Variants in BRIP1 observed in about 807,000 individuals in gnomAD.
BRIP1 encodes the protein Fanconi anemia group J protein.
In BRIP1, 88 loss-of-function variants were observed where a neutral mutation model predicts 119.7. The observed-to-expected ratio is 0.74, with a 90% CI of 0.62 to 0.88. BRIP1 has a LOEUF of 0.88. Ranked by LOEUF, BRIP1 falls within the 40% of genes least tolerant of loss-of-function variation. BRIP1 has a pLI of 0.00. For missense variants in BRIP1, 1,259 were observed against 1,455.4 expected, an observed-to-expected ratio of 0.87 and a Z score of 2.20; for synonymous variants, 443 against 496.5, an observed-to-expected ratio of 0.89 and a Z score of 1.43.
In BRIP1 at chr17:61,827,166, A is replaced by G. The variant is rs1489205949; in HGVS notation, c.628-18409T>C. 2.0e-5 allele frequency among the ~76,000 whole-genome samples: 3 copies of G among 152,226 alleles called. No homozygotes were observed. Among genetic ancestry groups the G allele is most frequent in the Non-Finnish European group, 4.4e-5 (3 of 68,038 alleles). ...ACCATTATCCTTAGCAAACTAATGC[A>G]GGAACAGAAAACCAAATACTGCATG... On this transcript the variant is annotated intron_variant, in intron 6 of 19. Coordinates refer to ENST00000259008, the MANE Select transcript of BRIP1 (RefSeq NM_032043.3). This position sits in a 1 kb window ranked among gnomAD's most constrained non-coding sequence, Gnocchi z 5.8.
At chr17:61,836,521 G>A (rs923674489) in intron 6 of BRIP1, among the ~76,000 whole-genome samples, 2 of 152,062 alleles carry the variant, frequency 1.3e-5, no homozygotes, top group African/African-American at 4.8e-5. Flanking sequence ...AAGAAACAGT[G>A]GTGAATCATA....
Position 61,805,513 on chromosome 17 carries a change from G to A in BRIP1, c.918+2954C>T, listed in dbSNP as rs1186806842. ...TAGTGTAACCAAAATAGCAATGGATGAGGAATCAGAAAATTTGGGTTCTGG... is the reference window on the plus strand; with the variant it reads ...TAGTGTAACCAAAATAGCAATGGATAAGGAATCAGAAAATTTGGGTTCTGG... On this transcript the variant is annotated intron_variant, in intron 7 of 19. Coordinates refer to ENST00000259008, the MANE Select transcript of BRIP1 (RefSeq NM_032043.3). This position sits in a 1 kb window ranked among gnomAD's most constrained non-coding sequence, Gnocchi z 5.6. Among the ~76,000 whole-genome samples the A allele has an allele frequency of 6.6e-6, 1 of 152,116 alleles. No homozygotes were observed. Among genetic ancestry groups the A allele is most frequent in the Non-Finnish European group, 1.5e-5 (1 of 68,026 alleles).
rs965804604 is a variant in BRIP1, at chr17:61,843,353, T to C, written c.627+3748A>G. Among the ~76,000 whole-genome samples, 9 of 152,152 alleles carry C rather than the reference T, an allele frequency of 5.9e-5. No individual in the cohort carries two copies. The highest frequency in any genetic ancestry group is 1.0e-4 in the Non-Finnish European group (7 of 68,028). On this transcript the variant is annotated intron_variant, in intron 6 of 19. Coordinates refer to ENST00000259008, the MANE Select transcript of BRIP1 (RefSeq NM_032043.3). The surrounding 1 kb of genome is among the most constrained non-coding windows in gnomAD (Gnocchi z 5.7). ...AGGCTGGATATTTCGATATTGGCTTTAAAATTTTCAGGTGTTCTCAACACA... is the reference window on the plus strand; with the variant it reads ...AGGCTGGATATTTCGATATTGGCTTCAAAATTTTCAGGTGTTCTCAACACA...
At chr17:61,791,441 A>ATCACGCC (rs2077814531) in intron 10 of BRIP1, among the ~76,000 whole-genome samples, 1 of 130,718 alleles carries the variant, frequency 7.7e-6, no homozygotes, top group African/African-American at 3.1e-5. Context: ...GTGAGCCGAG[A>ATCACGCC]TCACGCCACT....
Position 61,757,017 on chromosome 17 carries a change from G to C in BRIP1, c.2098-12426C>G, listed in dbSNP as rs573448777. On this transcript the variant is annotated intron_variant, in intron 14 of 19. Transcript: ENST00000259008. The surrounding 1 kb of genome is among the most constrained non-coding windows in gnomAD (Gnocchi z 4.3). ...AACCTGGTATATTTTTCCATCTAAA[G>C]ATGATTCTTCATTATTCATTTCATG... is the stretch of plus-strand genomic sequence containing the variant. Among the ~76,000 whole-genome samples, 1 of 152,064 alleles carries C rather than the reference G, an allele frequency of 6.6e-6. No homozygotes were observed. Among genetic ancestry groups the C allele is most frequent in the South Asian group, 2.1e-4 (1 of 4,824 alleles).
In BRIP1 at chr17:61,695,186, G is replaced by C. The variant is rs1026933152; in HGVS notation, c.2493-1674C>G. Among the ~76,000 whole-genome samples the C allele has an allele frequency of 5.9e-5, 9 of 152,016 alleles. No individual in the cohort carries two copies. The highest frequency in any genetic ancestry group is 1.3e-4 in the Non-Finnish European group (9 of 67,926). On this transcript the variant is annotated intron_variant, in intron 17 of 19. Coordinates refer to ENST00000259008, the MANE Select transcript of BRIP1 (RefSeq NM_032043.3). The surrounding 1 kb of genome is among the most constrained non-coding windows in gnomAD (Gnocchi z 4.3). ...AACTTTTGTATATGGTGTGAGGTAG[G>C]AGTCTAATTTCATTATTTGCACAGA...
intron 10 of BRIP1, among the ~76,000 whole-genome samples, chr17:61,786,930 TATATAATATATTTATATATA>T (rs1228101088): frequency 1.7e-5 from 2 of 115,530 alleles, no homozygotes; most frequent in African/African-American, 7.0e-5. Context: ...TATATATTTA[TATATAATATATTTATATATA>T]ATATATTTAT....
At position 61,683,018 on chromosome 17, in the gene BRIP1, G is replaced by C. The variant is rs1376192769; in HGVS notation, c.*278C>G. ...ATGGTGGTGCACACCTGTAGTCCCAGCTACTCAGAAGGCTGAGGCAGGAGA... is the reference window on the plus strand; with the variant it reads ...ATGGTGGTGCACACCTGTAGTCCCACCTACTCAGAAGGCTGAGGCAGGAGA... On this transcript the variant is annotated 3_prime_UTR_variant, in exon 20 of 20. Transcript: ENST00000259008. The surrounding 1 kb of genome is among the most constrained non-coding windows in gnomAD (Gnocchi z 4.7). The C allele has an allele frequency of 5.0e-6, 2 of 398,074 alleles. No homozygotes were observed. Among genetic ancestry groups the C allele is most frequent in the Non-Finnish European group, 9.1e-6 (2 of 218,866 alleles). The allele number at this position is 398,074 out of a possible 1,614,324, so 24.7% of individuals were successfully genotyped here.
In BRIP1 at chr17:61,725,821, C is replaced by T. The variant is rs934545386; in HGVS notation, c.2380-9758G>A. 6.6e-6 allele frequency among the ~76,000 whole-genome samples: 1 copy of T among 152,156 alleles called. No homozygotes were observed. The highest frequency in any genetic ancestry group is 2.1e-4 in the South Asian group (1 of 4,820). ...AAAAAAATTATTTTAGAGACGCAGT[C>T]TCACTACATTGCCCAGGCTGGTCTT... On this transcript the variant is annotated intron_variant, in intron 16 of 19. Coordinates refer to ENST00000259008, the MANE Select transcript of BRIP1 (RefSeq NM_032043.3). This position sits in a 1 kb window ranked among gnomAD's most constrained non-coding sequence, Gnocchi z 5.3.
rs2078902763 is a variant in BRIP1 at position 61,856,909 on chromosome 17, T to A, written c.379+149A>T. On this transcript the variant is annotated intron_variant, in intron 4 of 19. Transcript: ENST00000259008. The surrounding 1 kb of genome is among the most constrained non-coding windows in gnomAD (Gnocchi z 5.1). The stretch of plus-strand genomic sequence containing the variant: ...AAAACGTCTATGGATTTTTGACCAC[T>A]CTGTGCTATTTTAAAATCATTCCAG... 1.3e-6 allele frequency: 1 copy of A among 784,378 alleles called. No individual in the cohort carries two copies. Among genetic ancestry groups the A allele is most frequent in the African/African-American group, 1.7e-5 (1 of 57,504 alleles). The allele number at this position is 784,378 out of a possible 1,614,324, so 48.6% of individuals were successfully genotyped here.
intron 16 of BRIP1, among the ~76,000 whole-genome samples, chr17:61,716,832 A>AAATAATATGCTTCCATTT (rs1555581245): frequency 6.6e-6 from 1 of 151,220 alleles, no homozygotes; most frequent in Non-Finnish European, 1.5e-5. Context: ...CCACTACTGG[A>AAATAATATGCTTCCATTT]TTATTAGCTA....
At chr17:61,765,411 ATATATATATATATTTTTTT>A (rs2077351413) in intron 14 of BRIP1, among the ~76,000 whole-genome samples, 1 of 14,236 alleles carries the variant, frequency 7.0e-5, no homozygotes, top group Non-Finnish European at 1.3e-4. Context: ...ATATATATAT[ATATATATATATATTTTTTT>A]TTTTTTTTTT....
chr17:61,766,766 G>T, intron 14 of BRIP1, among the ~76,000 whole-genome samples: 1 of 152,010 alleles, frequency 6.6e-6, no homozygotes, highest in East Asian at 1.9e-4. Context: ...TCATAAAGAT[G>T]TATTTTTTTT....
intron 6 of BRIP1, among the ~76,000 whole-genome samples, chr17:61,812,268 T>C (rs886982823): frequency 3.3e-5 from 5 of 152,186 alleles, no homozygotes; most frequent in African/African-American, 1.2e-4. Context: ...ATTGAGTATT[T>C]TTCCTGCTAA....
rs905133612 is a variant in BRIP1, at chr17:61,689,849, A to G, written c.2575+3581T>C. 6.6e-6 allele frequency among the ~76,000 whole-genome samples: 1 copy of G among 152,100 alleles called. No individual in the cohort carries two copies. The highest frequency in any genetic ancestry group is 1.5e-5 in the Non-Finnish European group (1 of 67,992). On this transcript the variant is annotated intron_variant, in intron 18 of 19. Coordinates refer to ENST00000259008, the MANE Select transcript of BRIP1 (RefSeq NM_032043.3). The surrounding 1 kb of genome is among the most constrained non-coding windows in gnomAD (Gnocchi z 4.5). Reference sequence around the variant, plus strand: ...AACATAGTGAGACCCCATCTCTACAAAAAAAATTAAAAATTAGCCAGGTCT... The same window carrying G: ...AACATAGTGAGACCCCATCTCTACAGAAAAAATTAAAAATTAGCCAGGTCT...
Position 61,795,114 on chromosome 17 carries a change from G to T in BRIP1, c.1341-1385C>A, listed in dbSNP as rs765079900. ...GCTTGGGTTTTAATTTTTAATTTTC[G>T]TGGGTACATAGTAGGTGTATATATT... On this transcript the variant is annotated intron_variant, in intron 9 of 19. Coordinates refer to ENST00000259008, the MANE Select transcript of BRIP1 (RefSeq NM_032043.3). This position sits in a 1 kb window ranked among gnomAD's most constrained non-coding sequence, Gnocchi z 5.6. Among the ~76,000 whole-genome samples the T allele has an allele frequency of 6.6e-6, 1 of 151,978 alleles. No homozygotes were observed. Among genetic ancestry groups the T allele is most frequent in the African/African-American group, 2.4e-5 (1 of 41,382 alleles).
Position 61,799,987 on chromosome 17 carries a change from G to C in BRIP1, c.1141-688C>G, listed in dbSNP as rs1228493967. On this transcript the variant is annotated intron_variant, in intron 8 of 19. Transcript: ENST00000259008. This position sits in a 1 kb window ranked among gnomAD's most constrained non-coding sequence, Gnocchi z 5.1. ...TATTCCATCCTTCTGTGGTCACAGT[G>C]ACTGGTTCAGGTTCAGGAACAGACA... Among the ~76,000 whole-genome samples, 1 of 152,072 alleles carries C rather than the reference G, an allele frequency of 6.6e-6. No homozygotes were observed. Among genetic ancestry groups the C allele is most frequent in the Non-Finnish European group, 1.5e-5 (1 of 68,006 alleles).
At position 61,729,052 on chromosome 17, in the gene BRIP1, G is replaced by A. The variant is rs1385739851; in HGVS notation, c.2380-12989C>T. Among the ~76,000 whole-genome samples, 1 of 151,214 alleles carries A rather than the reference G, an allele frequency of 6.6e-6. No individual in the cohort carries two copies. Among genetic ancestry groups the A allele is most frequent in the Non-Finnish European group, 1.5e-5 (1 of 67,564 alleles). On this transcript the variant is annotated intron_variant, in intron 16 of 19. Coordinates refer to ENST00000259008, the MANE Select transcript of BRIP1 (RefSeq NM_032043.3). This position sits in a 1 kb window ranked among gnomAD's most constrained non-coding sequence, Gnocchi z 5.6. Reference sequence around the variant, plus strand: ...CCCCAGCACTTTGGGAGGCTGAGGCGGGCGGATCTTCTGAGGTCGGGAGTT... The same window carrying A: ...CCCCAGCACTTTGGGAGGCTGAGGCAGGCGGATCTTCTGAGGTCGGGAGTT...
At position 61,774,400 on chromosome 17, in the gene BRIP1, G is replaced by A. The variant is rs1380966856; in HGVS notation, c.2097+2001C>T. On this transcript the variant is annotated intron_variant, in intron 14 of 19. Transcript: ENST00000259008. The surrounding 1 kb of genome is among the most constrained non-coding windows in gnomAD (Gnocchi z 5.8). ...AATTGAACAATGAGAACATGTGGAC[G>A]CAGGGTAGGGAACATCACACACTGG... Among the ~76,000 whole-genome samples the A allele has an allele frequency of 1.3e-5, 2 of 152,114 alleles. No individual in the cohort carries two copies. Among genetic ancestry groups the A allele is most frequent in the African/African-American group, 2.4e-5 (1 of 41,426 alleles).
Sources: allele counts gnomAD v4.1 joint callset (sites outside exome capture counted in the v4.1 genomes callset), GRCh38; gene constraint gnomAD v4.1.1; non-coding constraint Gnocchi (gnomAD v3.1); transcripts MANE v1.5; gene names NCBI Gene and HGNC (gene_info 2026-07-23, HGNC 2026-07-21).